Variants in NEURL1B observed in about 807,000 individuals in gnomAD.
NEURL1B encodes neuralized E3 ubiquitin protein ligase 1B.
A neutral mutation model predicts 37.4 loss-of-function variants in NEURL1B; 13 were observed. That is an observed-to-expected ratio of 0.35 (90% confidence interval 0.23 to 0.55). The LOEUF is 0.55. NEURL1B is among the 20% of genes least tolerant of loss of function. NEURL1B has a pLI of 0.89. For synonymous variants in NEURL1B, 432 were observed against 426.6 expected, an observed-to-expected ratio of 1.01 and a Z score of -0.16; for missense variants, 790 against 879.2, an observed-to-expected ratio of 0.90 and a Z score of 1.28.
intron 2 of NEURL1B, among the ~76,000 whole-genome samples, chr5:172,674,407 T>A (rs1241660426): frequency 6.6e-6 from 1 of 151,690 alleles, no homozygotes; most frequent in Non-Finnish European, 1.5e-5. Context: ...GACCGTGGGG[T>A]GCCCTTTCTA....
At position 172,661,068 on chromosome 5, in the gene NEURL1B, C is replaced by G. The variant is rs1490809468; in HGVS notation, c.32-8717C>G. On this transcript the variant is annotated intron_variant, in intron 1 of 4. Transcript: ENST00000369800. This position sits in a 1 kb window ranked among gnomAD's most constrained non-coding sequence, Gnocchi z 4.0. ...ATACCAGCCTTGCCTTTTCCTCTCT[C>G]TAGAGCACAGCCTGCCCCCCTCACC... Among the ~76,000 whole-genome samples the G allele has an allele frequency of 6.6e-6, 1 of 152,198 alleles. No homozygotes were observed. Among genetic ancestry groups the G allele is most frequent in the East Asian group, 1.9e-4 (1 of 5,206 alleles).
At chr5:172,653,979 A>C (rs1355104450) in intron 1 of NEURL1B, among the ~76,000 whole-genome samples, 3 of 152,160 alleles carry the variant, frequency 2.0e-5, no homozygotes, top group African/African-American at 7.2e-5. Context: ...TTTTTACATA[A>C]ATTCTCCCCC....
intron 1 of NEURL1B, among the ~76,000 whole-genome samples, chr5:172,655,991 G>A (rs1166197900): frequency 2.0e-5 from 3 of 152,214 alleles, no homozygotes; most frequent in Admixed American, 6.5e-5. Flanking sequence ...TCATAGAAGG[G>A]TACATCCTTA....
At chr5:172,672,612 G>A (rs1287717914) in intron 2 of NEURL1B, among the ~76,000 whole-genome samples, 2 of 150,650 alleles carry the variant, frequency 1.3e-5, no homozygotes, top group African/African-American at 2.5e-5. Flanking sequence ...GAAGGGAGAG[G>A]TAGAGTCTGC....
intron 2 of NEURL1B, among the ~76,000 whole-genome samples, chr5:172,673,616 G>A (rs1238660099): frequency 6.6e-6 from 1 of 151,924 alleles, no homozygotes; most frequent in Non-Finnish European, 1.5e-5. Context: ...AAGTTTTTTT[G>A]ACACAGGGTT....
At chr5:172,667,036 G>A (rs1314366146) in intron 1 of NEURL1B, among the ~76,000 whole-genome samples, 1 of 152,004 alleles carries the variant, frequency 6.6e-6, no homozygotes, top group African/African-American at 2.4e-5. Context: ...TGAGCCCAGG[G>A]AAACCAAAGA....
Position 172,683,719 on chromosome 5 carries a change from C to G in NEURL1B, c.878C>G (p.Ser293Trp), listed in dbSNP as rs1314131174. 14 of 1,356,492 alleles carry G rather than the reference C, an allele frequency of 1.0e-5. No homozygotes were observed. Among genetic ancestry groups the G allele is most frequent in the Non-Finnish European group, 1.3e-5 (14 of 1,046,544 alleles). The allele number at this position is 1,356,492 out of a possible 1,614,324, so 84.0% of individuals were successfully genotyped here. Residue 293 changes from serine to tryptophan, a missense_variant, in exon 3 of 5, where the codon TCG (serine) becomes TGG (tryptophan). By Grantham distance (177) the Ser-to-Trp change is radical. This residue lies in a region of NEURL1B where 460 missense variants were observed against 407.4 expected (regional missense o/e 1.13). Transcript: ENST00000369800. This position sits in a 1 kb window ranked among gnomAD's most constrained non-coding sequence, Gnocchi z 5.6. The stretch of plus-strand genomic sequence containing the variant: ...ACACGCGGGCCCGACGTGAGCCTGT[C>G]GGCCGACCGCAAAGTGGCCTGCGCA... ...HATRGPDVSL[S>W]ADRKVACAPR... is the part of the protein sequence containing the mutation.
rs1453173571 is a variant in NEURL1B at position 172,683,951 on chromosome 5, G to T, written c.1110G>T (p.Val370=). 2.2e-6 allele frequency: 3 copies of T among 1,353,518 alleles called. No homozygotes were observed. The highest frequency in any genetic ancestry group is 2.9e-6 in the Non-Finnish European group (3 of 1,048,134). The allele number at this position is 1,353,518 out of a possible 1,614,324, so 83.8% of individuals were successfully genotyped here. A position where few individuals can be genotyped will look rare whatever the true frequency, so the allele number is the denominator to read the frequency against. ...DALLDRKEYW[V]VARAGPVPSG... is the part of the protein sequence containing the mutation. ...TGCTCGACCGCAAAGAGTACTGGGT[G>T]GTGGCGCGCGCCGGGCCCGTGCCGA... is the stretch of plus-strand genomic sequence containing the variant. Residue 370 remains valine (V), a synonymous_variant, in exon 3 of 5, where the codon GTG becomes GTT. Coordinates refer to ENST00000369800, the MANE Select transcript of NEURL1B (RefSeq NM_001142651.3). The surrounding 1 kb of genome is among the most constrained non-coding windows in gnomAD (Gnocchi z 5.6).
Position 172,670,031 on chromosome 5 carries a change from G to A in NEURL1B, c.278G>A (p.Trp93Ter). 1 of 1,499,970 alleles carries A rather than the reference G, an allele frequency of 6.7e-7. No homozygotes were observed. Among genetic ancestry groups the A allele is most frequent in the Admixed American group, 2.2e-5 (1 of 44,660 alleles). 92.9% of individuals were successfully genotyped at this position (1,499,970 alleles called of 1,614,324 possible). A position where few individuals can be genotyped will look rare whatever the true frequency, so the allele number is the denominator to read the frequency against. Residue 93 changes from tryptophan (W) to a stop codon, truncating the protein, a stop_gained, in exon 2 of 5, where the codon TGG becomes TAG. Coordinates refer to ENST00000369800, the MANE Select transcript of NEURL1B (RefSeq NM_001142651.3). LOFTEE classifies it high-confidence loss of function. ...RLRLVAVRPG[W>*]SGALRFGFTA... ...CGCCTGGTGGCCGTGCGCCCTGGCT[G>A]GAGCGGCGCGCTGCGCTTCGGCTTC...
chr5:172,681,335 A>G (rs1758348213), intron 2 of NEURL1B, among the ~76,000 whole-genome samples: 1 of 152,254 alleles, frequency 6.6e-6, no homozygotes, highest in African/African-American at 2.4e-5. Context: ...ATTACTATTA[A>G]TATTTTGTCT....
chr5:172,666,093 A>AG (rs1197016572), intron 1 of NEURL1B, among the ~76,000 whole-genome samples: 1 of 152,130 alleles, frequency 6.6e-6, no homozygotes, highest in Non-Finnish European at 1.5e-5. Flanking sequence ...CTCCTACCTT[A>AG]GGGGTCTATG....
intron 1 of NEURL1B, among the ~76,000 whole-genome samples, chr5:172,646,495 G>A (rs1184342942): frequency 6.6e-6 from 1 of 152,214 alleles, no homozygotes; most frequent in Non-Finnish European, 1.5e-5. Flanking sequence ...AAGATGGGGA[G>A]GCACCCCTTT....
At chr5:172,658,260 G>A (rs1269045238) in intron 1 of NEURL1B, among the ~76,000 whole-genome samples, 3 of 152,088 alleles carry the variant, frequency 2.0e-5, no homozygotes, top group East Asian at 3.9e-4. Context: ...GAGAACACCC[G>A]CTAAGCTCCG....
chr5:172,659,282 A>C (rs1757852503), intron 1 of NEURL1B, among the ~76,000 whole-genome samples: 1 of 152,190 alleles, frequency 6.6e-6, no homozygotes, highest in Non-Finnish European at 1.5e-5. Flanking sequence ...ATTGTGCCAA[A>C]AATGCTGACC....
chr5:172,656,980 A>G (rs888420298), intron 1 of NEURL1B, among the ~76,000 whole-genome samples: 5 of 152,140 alleles, frequency 3.3e-5, no homozygotes, highest in Admixed American at 1.3e-4. Flanking sequence ...GAGGCAAGGG[A>G]TCTGTGCTCC....
At chr5:172,672,237 G>A (rs1391156360) in intron 2 of NEURL1B, among the ~76,000 whole-genome samples, 1 of 152,204 alleles carries the variant, frequency 6.6e-6, no homozygotes. Context: ...CTACTTGGGC[G>A]TTTTAACTAT....
Position 172,691,165 on chromosome 5 carries a change from GA to G in NEURL1B, c.*4241del, listed in dbSNP as rs1180452361. 1 of 152,214 alleles carries G rather than the reference GA, an allele frequency of 6.6e-6. No individual in the cohort carries two copies. The highest frequency in any genetic ancestry group is 2.4e-5 in the African/African-American group (1 of 41,442). 9.4% of individuals were successfully genotyped at this position (152,214 alleles called of 1,614,324 possible). ...AAAGCAACTTTTAAAAGTGGATGGG[GA>G]GGGGGGCTAGCATACGTGGTAGGGT... On this transcript the variant is annotated 3_prime_UTR_variant, in exon 5 of 5. Coordinates refer to ENST00000369800, the MANE Select transcript of NEURL1B (RefSeq NM_001142651.3).
In NEURL1B at chr5:172,686,684, C is replaced by T. The variant is rs1471548967; in HGVS notation, c.1427C>T (p.Thr476Met). The T allele has an allele frequency of 2.6e-6, 4 of 1,548,778 alleles. No homozygotes were observed. Among genetic ancestry groups the T allele is most frequent in the South Asian group, 1.2e-5 (1 of 84,014 alleles). Residue 476 changes from threonine to methionine, a missense_variant, in exon 5 of 5, where the codon ACG becomes ATG. Physicochemically the swap from Thr to Met is moderately conservative, Grantham distance 81. Transcript: ENST00000369800. This position sits in a 1 kb window ranked among gnomAD's most constrained non-coding sequence, Gnocchi z 7.9. ...GTCCTCTTCTCCCTTTCGGCAGTGA[C>T]GGCCCCCAGCTCCCCGCTGAGCCCC... ...SSSASESSLV[T>M]APSSPLSPPV...
rs1349017210 is a variant in NEURL1B, at chr5:172,669,811, GC to G, written c.60del (p.Thr21ProfsTer89). ...CCCGAGCCCACCGGCGCGCCTCCTG[GC>G]CACCCGGCCGTGCTGCGGCCCCGGC... is the stretch of plus-strand genomic sequence containing the variant. ...PDPSPPARLL[A>X]TRPCCGPGPE... On this transcript the variant is annotated frameshift_variant, in exon 2 of 5. Coordinates refer to ENST00000369800, the MANE Select transcript of NEURL1B (RefSeq NM_001142651.3). LOFTEE classifies it high-confidence loss of function. The G allele has an allele frequency of 7.8e-7, 1 of 1,290,022 alleles. No individual in the cohort carries two copies. 79.9% of individuals were successfully genotyped at this position (1,290,022 alleles called of 1,614,324 possible).
Sources: gnomAD v4.1 joint callset for allele counts (sites outside exome capture counted in the v4.1 genomes callset) on GRCh38, gnomAD v4.1.1 for gene constraint, gnomAD v4.1.1 regional missense constraint, Gnocchi (gnomAD v3.1) non-coding constraint, MANE v1.5 for transcripts, NCBI Gene and HGNC (gene_info 2026-07-23, HGNC 2026-07-21) for gene names.